Variants in EXOC4 observed in about 807,000 individuals in gnomAD.
The protein encoded by EXOC4 is exocyst complex component 4, also known as SEC8-like 1.
EXOC4 carries 71 observed loss-of-function variants against 107.2 expected under a neutral mutation model. The ratio of observed to expected loss-of-function variants is 0.66; its 90% CI spans 0.55 to 0.81. The LOEUF (loss-of-function observed/expected upper bound fraction) is 0.81, where lower values mean the gene tolerates loss of function less well. Ranked by LOEUF, EXOC4 falls within the 30% of genes least tolerant of loss-of-function variation. EXOC4 has a pLI of 0.00. For synonymous variants in EXOC4, 456 were observed against 441.2 expected, an observed-to-expected ratio of 1.03 and a Z score of -0.42; for missense variants, 1,108 against 1,189.6, an observed-to-expected ratio of 0.93 and a Z score of 1.01.
At chr7:134,092,414 C>T in the EXOC4 span, among the ~76,000 whole-genome samples, 7 of 152,022 alleles carry the variant, frequency 4.6e-5, no homozygotes, top group African/African-American at 1.7e-4. Context: ...AGATACTGGA[C>T]TTATTATACA....
At chr7:133,331,837 T>C (rs950630457) in intron 5 of EXOC4, among the ~76,000 whole-genome samples, 22 of 152,330 alleles carry the variant, frequency 1.4e-4, no homozygotes, top group Admixed American at 1.4e-3. Flanking sequence ...CCTGGCCTCA[T>C]GCTGTTCCCA....
At chr7:133,507,489 C>A (rs541953711) in intron 9 of EXOC4, among the ~76,000 whole-genome samples, 1 of 152,080 alleles carries the variant, frequency 6.6e-6, no homozygotes, top group Non-Finnish European at 1.5e-5. Flanking sequence ...AAGGTTGTAC[C>A]GTTGCAGAAT....
chr7:133,408,682 A>G (rs1797284418), intron 7 of EXOC4, among the ~76,000 whole-genome samples: 1 of 152,146 alleles, frequency 6.6e-6, no homozygotes, highest in Non-Finnish European at 1.5e-5. Context: ...ATAATTTACT[A>G]CATGCCTATT....
intron 9 of EXOC4, among the ~76,000 whole-genome samples, chr7:133,600,438 T>C (rs1801779967): frequency 6.6e-6 from 1 of 152,210 alleles, no homozygotes; most frequent in Non-Finnish European, 1.5e-5. Flanking sequence ...ATTATTTACA[T>C]AGACCTATTT....
chr7:133,563,690 G>T (rs192628438), intron 9 of EXOC4, among the ~76,000 whole-genome samples: 4 of 152,274 alleles, frequency 2.6e-5, no homozygotes, highest in African/African-American at 9.6e-5. Context: ...AAAACTAGGC[G>T]GCATAAGTTA....
At chr7:134,076,943 G>C in the EXOC4 span, among the ~76,000 whole-genome samples, 1 of 151,944 alleles carries the variant, frequency 6.6e-6, no homozygotes, top group Admixed American at 6.6e-5. Context: ...CCCATCATAA[G>C]TTGAGGATCT....
chr7:133,597,773 G>A (rs1801715917), intron 9 of EXOC4, among the ~76,000 whole-genome samples: 1 of 152,050 alleles, frequency 6.6e-6, no homozygotes, highest in Non-Finnish European at 1.5e-5. Context: ...CACTTTGGGA[G>A]GCTGAGGTGG....
intron 11 of EXOC4, among the ~76,000 whole-genome samples, chr7:133,834,903 G>T (rs946293886): frequency 1.3e-5 from 2 of 152,070 alleles, no homozygotes; most frequent in Non-Finnish European, 2.9e-5. Flanking sequence ...GGGTTGGGGG[G>T]GTCTTTCCTG....
chr7:133,751,925 G>A (rs569408885), intron 10 of EXOC4, among the ~76,000 whole-genome samples: 8 of 151,810 alleles, frequency 5.3e-5, no homozygotes, highest in Admixed American at 2.6e-4. Context: ...TGGGAGAATC[G>A]CTAGAGGCCA....
intron 12 of EXOC4, among the ~76,000 whole-genome samples, chr7:133,907,626 G>A (rs1799596874): frequency 6.6e-6 from 1 of 152,164 alleles, no homozygotes; most frequent in African/African-American, 2.4e-5. Flanking sequence ...TCACCTTGAG[G>A]TCAGGATTTC....
At chr7:133,311,883 AAAATT>A (rs1427768625) in intron 4 of EXOC4, among the ~76,000 whole-genome samples, 1 of 152,154 alleles carries the variant, frequency 6.6e-6, no homozygotes, top group Non-Finnish European at 1.5e-5. Flanking sequence ...ACACATTTGA[AAAATT>A]AAATGCAGTT....
At chr7:133,372,375 A>G (rs1796396706) in intron 6 of EXOC4, among the ~76,000 whole-genome samples, 2 of 152,178 alleles carry the variant, frequency 1.3e-5, no homozygotes, top group African/African-American at 4.8e-5. Context: ...CTCCCTGTGT[A>G]GCCTGTCCTG....
intron 9 of EXOC4, among the ~76,000 whole-genome samples, chr7:133,616,455 G>T (rs1404935868): frequency 6.6e-6 from 1 of 151,944 alleles, no homozygotes; most frequent in African/African-American, 2.4e-5. Flanking sequence ...CAATTCTGAA[G>T]GAAATATATT....
intron 12 of EXOC4, among the ~76,000 whole-genome samples, chr7:133,898,893 G>C (rs746314087): frequency 2.0e-5 from 3 of 151,444 alleles, no homozygotes; most frequent in Non-Finnish European, 4.4e-5. Flanking sequence ...CAGGAGAATC[G>C]CTTGAACCTG....
At chr7:133,825,495 A>G (rs1797680486) in intron 11 of EXOC4, among the ~76,000 whole-genome samples, 1 of 152,202 alleles carries the variant, frequency 6.6e-6, no homozygotes. Context: ...GCTCTTACTG[A>G]AAGTTGGTGG....
chr7:133,527,510 T>A (rs1800103279), intron 9 of EXOC4, among the ~76,000 whole-genome samples: 2 of 152,184 alleles, frequency 1.3e-5, no homozygotes, highest in Non-Finnish European at 1.5e-5. Context: ...TAGAAACTTT[T>A]ATCTGATTTA....
At chr7:134,016,626 A>G (rs1454142572) in intron 17 of EXOC4, among the ~76,000 whole-genome samples, 3 of 152,236 alleles carry the variant, frequency 2.0e-5, no homozygotes, top group Non-Finnish European at 4.4e-5. Context: ...AACTAAACAT[A>G]CAGATTCAGA....
At chr7:133,934,515 C>T (rs1441162167) in intron 13 of EXOC4, among the ~76,000 whole-genome samples, 1 of 152,162 alleles carries the variant, frequency 6.6e-6, no homozygotes, top group Non-Finnish European at 1.5e-5. Flanking sequence ...ACGGGATAGG[C>T]ATCAAGCGCT....
intron 10 of EXOC4, among the ~76,000 whole-genome samples, chr7:133,704,562 G>A (rs1224460206): frequency 6.6e-6 from 1 of 152,206 alleles, no homozygotes; most frequent in African/African-American, 2.4e-5. Context: ...AAAATACAGT[G>A]AGTAATGCAC....
Sources: allele counts gnomAD v4.1 joint callset (sites outside exome capture counted in the v4.1 genomes callset), GRCh38; gene constraint gnomAD v4.1.1; transcripts MANE v1.5; gene names NCBI Gene and HGNC (gene_info 2026-07-23, HGNC 2026-07-21).